EXOC4: variants seen among roughly 807,000 people sequenced by gnomAD.
EXOC4 encodes SEC8-like 1.
Under a neutral mutation model 107.2 loss-of-function variants are expected in EXOC4, and 71 were observed. The observed-to-expected ratio is 0.66, with a 90% confidence interval of 0.55 to 0.81. EXOC4 has a LOEUF of 0.81. Ranked by LOEUF, EXOC4 falls within the 30% of genes least tolerant of loss-of-function variation. The probability of loss-of-function intolerance (pLI) is 0.00; values close to 1 mark genes in which losing one functional copy is unlikely to be tolerated. For synonymous variants in EXOC4, 456 were observed against 441.2 expected, an observed-to-expected ratio of 1.03 and a Z score of -0.42; for missense variants, 1,108 against 1,189.6, an observed-to-expected ratio of 0.93 and a Z score of 1.01.
intron 3 of EXOC4, among the ~76,000 whole-genome samples, chr7:133,303,327 G>A (rs530238509): frequency 1.2e-4 from 19 of 152,260 alleles, no homozygotes; most frequent in African/African-American, 4.1e-4. Context: ...CCAGCTCCTC[G>A]GGAGGCTGAG....
chr7:134,090,755 T>A, the EXOC4 span, among the ~76,000 whole-genome samples: 1 of 152,052 alleles, frequency 6.6e-6, no homozygotes, highest in South Asian at 2.1e-4. Context: ...CCATGTCCCA[T>A]GATCCCGTAC....
At chr7:133,915,730 C>G (rs1194337509) in intron 12 of EXOC4, among the ~76,000 whole-genome samples, 1 of 151,780 alleles carries the variant, frequency 6.6e-6, no homozygotes, top group Non-Finnish European at 1.5e-5. Context: ...ATAAATATTA[C>G]AGAAAAGATG....
chr7:133,904,584 G>C (rs112656885), intron 12 of EXOC4, among the ~76,000 whole-genome samples: 115 of 152,276 alleles, frequency 7.6e-4, no homozygotes, highest in African/African-American at 2.6e-3. Context: ...GTGTCCACCT[G>C]TTGGTGCCCA....
At chr7:133,867,116 AC>A (rs1272773234) in intron 11 of EXOC4, among the ~76,000 whole-genome samples, 11 of 152,316 alleles carry the variant, frequency 7.2e-5, no homozygotes, top group African/African-American at 2.6e-4. Context: ...CCAAGGATCT[AC>A]TATGAGTAAA....
intron 17 of EXOC4, among the ~76,000 whole-genome samples, chr7:134,059,603 G>A (rs755779433): frequency 1.3e-5 from 2 of 152,136 alleles, no homozygotes; most frequent in Non-Finnish European, 2.9e-5. Context: ...ATTGTCAAGT[G>A]TCCTAAATAA....
At chr7:133,873,614 A>G (rs969308560) in intron 11 of EXOC4, among the ~76,000 whole-genome samples, 2 of 152,210 alleles carry the variant, frequency 1.3e-5, no homozygotes, top group Admixed American at 6.5e-5. Context: ...TTTTATGAAA[A>G]CAGTGGTAAT....
rs1192442999 is a variant in EXOC4 at position 133,306,028 on chromosome 7, T to C, written c.623T>C (p.Val208Ala). 6.2e-7 allele frequency: 1 copy of C among 1,612,980 alleles called. No homozygotes were observed. Among genetic ancestry groups the C allele is most frequent in the South Asian group, 1.1e-5 (1 of 90,866 alleles). ...CTGTACATCAAATCGACTAGCCGAG[T>C]TGTGCAGCGTAACAAGGAAAAAGGG... Reference protein sequence around the residue: ...RHLYIKSTSRVVQRNKEKGKI... With the variant: ...RHLYIKSTSRAVQRNKEKGKI... The change falls in exon 4 of 18, where the codon GTT becomes GCT. Residue 208 changes from valine to alanine, a missense_variant. Val to Ala is a moderately conservative substitution (Grantham distance 64). Coordinates refer to ENST00000253861, the MANE Select transcript of EXOC4 (RefSeq NM_021807.4).
At chr7:133,308,794 A>G (rs1170433187) in intron 4 of EXOC4, among the ~76,000 whole-genome samples, 1 of 152,192 alleles carries the variant, frequency 6.6e-6, no homozygotes, top group Non-Finnish European at 1.5e-5. Context: ...AAGAAATATT[A>G]TGTGATCTGA....
intron 17 of EXOC4, among the ~76,000 whole-genome samples, chr7:134,043,884 T>G (rs1243231339): frequency 6.6e-6 from 1 of 152,158 alleles, no homozygotes; most frequent in Non-Finnish European, 1.5e-5. Context: ...TCCTCATCTT[T>G]TCCCTCATTC....
chr7:133,912,756 A>T (rs938988268), intron 12 of EXOC4, among the ~76,000 whole-genome samples: 1 of 152,156 alleles, frequency 6.6e-6, no homozygotes, highest in African/African-American at 2.4e-5. Flanking sequence ...TCCAGCTTGC[A>T]AAAAAGTGTA....
chr7:133,374,344 T>G (rs1362557883), intron 6 of EXOC4, among the ~76,000 whole-genome samples: 2 of 152,138 alleles, frequency 1.3e-5, no homozygotes, highest in Admixed American at 1.3e-4. Flanking sequence ...GCTGTACATT[T>G]GGATGGTAGT....
chr7:134,098,809 A>C, the EXOC4 span, among the ~76,000 whole-genome samples: 1 of 152,200 alleles, frequency 6.6e-6, no homozygotes, highest in Non-Finnish European at 1.5e-5. Context: ...TGTGAGAAAG[A>C]GAAAACCTTT....
At chr7:134,046,257 G>A (rs192034504) in intron 17 of EXOC4, among the ~76,000 whole-genome samples, 9 of 152,188 alleles carry the variant, frequency 5.9e-5, no homozygotes, top group Admixed American at 2.6e-4. Flanking sequence ...TGAGACAGGC[G>A]GATCGCTTGA....
At chr7:133,745,035 T>C (rs1167636160) in intron 10 of EXOC4, among the ~76,000 whole-genome samples, 1 of 152,204 alleles carries the variant, frequency 6.6e-6, no homozygotes, top group Non-Finnish European at 1.5e-5. Context: ...TCTAGAAATT[T>C]GCCAAGGAGA....
At chr7:133,784,742 G>A (rs1192302846) in intron 10 of EXOC4, among the ~76,000 whole-genome samples, 1 of 152,126 alleles carries the variant, frequency 6.6e-6, no homozygotes, top group Non-Finnish European at 1.5e-5. Flanking sequence ...GAAGGCTATT[G>A]AAAGCCAGTT....
chr7:133,827,146 A>G (rs959031816), intron 11 of EXOC4, among the ~76,000 whole-genome samples: 11 of 152,232 alleles, frequency 7.2e-5, no homozygotes, highest in African/African-American at 2.2e-4. Flanking sequence ...TGGAATAGGA[A>G]ATTGACCAGC....
intron 10 of EXOC4, among the ~76,000 whole-genome samples, chr7:133,751,119 T>G (rs921097066): frequency 3.3e-5 from 5 of 152,350 alleles, no homozygotes; most frequent in African/African-American, 1.2e-4. Flanking sequence ...GAAGGCCAGC[T>G]TATTTCATGG....
intron 10 of EXOC4, among the ~76,000 whole-genome samples, chr7:133,699,199 T>C (rs1043600616): frequency 6.6e-6 from 1 of 152,226 alleles, no homozygotes; most frequent in African/African-American, 2.4e-5. Flanking sequence ...TTTCCCTTTT[T>C]TGCTCCTGGA....
chr7:133,419,887 C>G (rs1048244053), intron 7 of EXOC4, among the ~76,000 whole-genome samples: 3 of 151,848 alleles, frequency 2.0e-5, no homozygotes, highest in Non-Finnish European at 4.4e-5. Context: ...TTCAGGGTCT[C>G]TCACCATGCT....
Sources: allele counts gnomAD v4.1 joint callset (sites outside exome capture counted in the v4.1 genomes callset), GRCh38; gene constraint gnomAD v4.1.1; transcripts MANE v1.5; gene names NCBI Gene and HGNC (gene_info 2026-07-23, HGNC 2026-07-21).